Variants in CHSY1 observed in about 807,000 individuals in gnomAD.
CHSY1 encodes chondroitin sulfate synthase 1.
Under a neutral mutation model 59.8 loss-of-function variants are expected in CHSY1, and 13 were observed. The observed-to-expected ratio is 0.22, with a 90% CI of 0.14 to 0.35. The LOEUF is 0.35. CHSY1 is among the 10% of genes least tolerant of loss of function. CHSY1 has a pLI of 1.00. For synonymous variants in CHSY1, 459 were observed against 401.2 expected, an observed-to-expected ratio of 1.14 and a Z score of -1.72; for missense variants, 947 against 1,030.6, an observed-to-expected ratio of 0.92 and a Z score of 1.11.
intron 2 of CHSY1, among the ~76,000 whole-genome samples, chr15:101,191,456 T>C (rs1383790823): frequency 6.6e-6 from 1 of 152,220 alleles, no homozygotes; most frequent in African/African-American, 2.4e-5. Flanking sequence ...AGAGGATTTT[T>C]AGGACAGTGA....
At chr15:101,230,850 C>G (rs1567104278) in intron 2 of CHSY1, among the ~76,000 whole-genome samples, 1 of 152,174 alleles carries the variant, frequency 6.6e-6, no homozygotes, top group South Asian at 2.1e-4. Flanking sequence ...TCCTCAACTA[C>G]TCTGAAGTCC....
chr15:101,183,905 C>T (rs1217745183), intron 2 of CHSY1, among the ~76,000 whole-genome samples: 2 of 152,218 alleles, frequency 1.3e-5, no homozygotes, highest in South Asian at 4.1e-4. Flanking sequence ...AAACGGCATA[C>T]AAGGATAAGG....
At chr15:101,226,188 T>C (rs770013629) in intron 2 of CHSY1, among the ~76,000 whole-genome samples, 10 of 152,234 alleles carry the variant, frequency 6.6e-5, no homozygotes, top group Non-Finnish European at 8.8e-5. Flanking sequence ...TTTGTTTACA[T>C]AGATCAAAAT....
chr15:101,186,860 T>G (rs2038376557), intron 2 of CHSY1: 1 of 152,260 alleles, frequency 6.6e-6, no homozygotes, highest in Admixed American at 6.6e-5. Context: ...CACAAAAAAG[T>G]GACTGCATTG....
intron 2 of CHSY1, among the ~76,000 whole-genome samples, chr15:101,229,624 T>A (rs989838461): frequency 6.6e-6 from 1 of 152,158 alleles, no homozygotes; most frequent in Non-Finnish European, 1.5e-5. Flanking sequence ...TAGAGACTTC[T>A]GACTAGGTAC....
At chr15:101,204,498 C>A (rs1271689877) in intron 2 of CHSY1, among the ~76,000 whole-genome samples, 1 of 150,882 alleles carries the variant, frequency 6.6e-6, no homozygotes, top group Non-Finnish European at 1.5e-5. Flanking sequence ...AATGATAAAG[C>A]TGATGTGGTA....
rs1446760984 is a variant in CHSY1, at chr15:101,178,252, G to C, written c.1545C>G (p.Val515=). The C allele has an allele frequency of 1.3e-5, 21 of 1,613,980 alleles. No homozygotes were observed. The highest frequency in any genetic ancestry group is 1.8e-5 in the Non-Finnish European group (21 of 1,179,932). The part of the protein sequence containing the change: ...SFLSNSLKKL[V]PFQLPGSKSE... Reference sequence around the variant, plus strand: ...TCTTCGACCCAGGGAGCTGAAAGGGGACGAGCTTCTTCAGGGAGTTTGAGA... The same window carrying C: ...TCTTCGACCCAGGGAGCTGAAAGGGCACGAGCTTCTTCAGGGAGTTTGAGA... Residue 515 remains valine, a synonymous_variant, in exon 3 of 3, where the codon GTC becomes GTG. Transcript: ENST00000254190.
rs996093075 is a variant in CHSY1, at chr15:101,176,637, T to C, written c.*751A>G. The C allele has an allele frequency of 5.5e-6, 2 of 365,264 alleles. No individual in the cohort carries two copies. The highest frequency in any genetic ancestry group is 9.7e-6 in the Non-Finnish European group (2 of 205,980). 22.6% of individuals were successfully genotyped at this position (365,264 alleles called of 1,614,324 possible). ...GGTGAAACCCCGTCTCTACTAAAAA[T>C]ACAAAAAAACTAGCTGGGCGTGGTG... On this transcript the variant is annotated 3_prime_UTR_variant, in exon 3 of 3. Coordinates refer to ENST00000254190, the MANE Select transcript of CHSY1 (RefSeq NM_014918.5).
Position 101,251,409 on chromosome 15 carries a change from G to T in CHSY1, c.48C>A (p.Leu16=), listed in dbSNP as rs762682745. 2.9e-5 allele frequency: 33 copies of T among 1,145,370 alleles called. No individual in the cohort carries two copies. The highest frequency in any genetic ancestry group is 1.6e-4 in the Admixed American group (5 of 31,228). 71.0% of individuals were successfully genotyped at this position (1,145,370 alleles called of 1,614,324 possible). Residue 16 remains leucine (L), a synonymous_variant, in exon 1 of 3, where the codon CTC becomes CTA. Transcript: ENST00000254190. Reference sequence around the variant, plus strand: ...GCGAGGCCAGCACGAAGCCCAGGACGAGCCCGAGCAGCACGCTGAGCCAGG... The same window carrying T: ...GCGAGGCCAGCACGAAGCCCAGGACTAGCCCGAGCAGCACGCTGAGCCAGG... ...RRAWLSVLLG[L]VLGFVLASRL...
intron 1 of CHSY1, among the ~76,000 whole-genome samples, chr15:101,235,876 T>C (rs1170898367): frequency 6.6e-5 from 10 of 152,156 alleles, no homozygotes; most frequent in South Asian, 2.1e-4. Context: ...CAGATTAATT[T>C]TGTGATACTA....
chr15:101,233,395 T>C (rs187911102), intron 2 of CHSY1, among the ~76,000 whole-genome samples: 28 of 152,312 alleles, frequency 1.8e-4, no homozygotes, highest in East Asian at 1.5e-3. Flanking sequence ...GGCAAGAAGG[T>C]TGGCTTCTCG....
At chr15:101,188,672 CCTGA>C (rs752972453) in intron 2 of CHSY1, among the ~76,000 whole-genome samples, 5 of 151,998 alleles carry the variant, frequency 3.3e-5, no homozygotes, top group Non-Finnish European at 2.9e-5. Context: ...TTTAGAGAAG[CCTGA>C]CTCATTTCAA....
At chr15:101,219,125 A>G (rs918480001) in intron 2 of CHSY1, among the ~76,000 whole-genome samples, 5 of 152,234 alleles carry the variant, frequency 3.3e-5, no homozygotes, top group African/African-American at 1.2e-4. Context: ...AGAAGAATGC[A>G]GTTTAAATGG....
At chr15:101,231,636 T>C (rs2038893928) in intron 2 of CHSY1, among the ~76,000 whole-genome samples, 1 of 152,172 alleles carries the variant, frequency 6.6e-6, no homozygotes, top group African/African-American at 2.4e-5. Context: ...AGAAGAAAGA[T>C]CTACTGGTTG....
At chr15:101,224,185 G>A (rs1002901779) in intron 2 of CHSY1, among the ~76,000 whole-genome samples, 1 of 152,214 alleles carries the variant, frequency 6.6e-6, no homozygotes, top group African/African-American at 2.4e-5. Context: ...AAAATCACCT[G>A]AGGATATACT....
intron 1 of CHSY1, among the ~76,000 whole-genome samples, chr15:101,241,137 C>T (rs539512373): frequency 2.0e-5 from 3 of 152,172 alleles, no homozygotes; most frequent in Non-Finnish European, 4.4e-5. Context: ...GCCCTGTCGC[C>T]CAGGCTGGAG....
At position 101,178,866 on chromosome 15, in the gene CHSY1, A is replaced by T; in HGVS notation, c.931T>A (p.Tyr311Asn). 1 of 1,614,130 alleles carries T rather than the reference A, an allele frequency of 6.2e-7. No individual in the cohort carries two copies. ...ATGTAGCTGTGGAGCCTGTACTGGT[A>T]GGGTGGGTTTTTGTTGGGGTGTAAT... The part of the protein sequence containing the change: ...ITLHPNKNPP[Y>N]QYRLHSYMLS... Residue 311 changes from tyrosine to asparagine, a missense_variant, in exon 3 of 3, where the codon TAC (tyrosine) becomes AAC (asparagine). Coordinates refer to ENST00000254190, the MANE Select transcript of CHSY1 (RefSeq NM_014918.5).
chr15:101,180,538 C>CA (rs142457028), intron 2 of CHSY1, among the ~76,000 whole-genome samples: 2,466 of 152,300 alleles, frequency 0.016, 30 homozygotes, highest in East Asian at 0.068. Context: ...CTCTGACCCC[C>CA]ATGCAGCACA....
chr15:101,197,774 CT>C lies in CHSY1; in HGVS notation c.817-18795del, dbSNP rs1160558656. On this transcript the variant is annotated intron_variant, in intron 2 of 2. Coordinates refer to ENST00000254190, the MANE Select transcript of CHSY1 (RefSeq NM_014918.5). ...ACGAATGGAAATACTTGTTAGAAGC[CT>C]ATTTGAATCTCAAATTAGGAGCTTT... is the stretch of plus-strand genomic sequence containing the variant. Among the ~76,000 whole-genome samples the C allele has an allele frequency of 2.6e-5, 4 of 152,252 alleles. No homozygotes were observed. In the East Asian group the frequency reaches 7.7e-4, roughly 29 times the overall value.
Sources: allele counts gnomAD v4.1 joint callset (sites outside exome capture counted in the v4.1 genomes callset), GRCh38; gene constraint gnomAD v4.1.1; transcripts MANE v1.5; gene names NCBI Gene and HGNC (gene_info 2026-07-23, HGNC 2026-07-21).